FRMD4B: variants seen among roughly 807,000 people sequenced by gnomAD.
FRMD4B encodes the protein FERM domain containing 4B, also known as FERM domain-containing protein 4B.
FRMD4B carries 74 observed loss-of-function variants against 141.5 expected under a neutral mutation model. The observed-to-expected ratio is 0.52, with a 90% confidence interval of 0.43 to 0.63. The LOEUF (loss-of-function observed/expected upper bound fraction) is 0.63. FRMD4B is among the 30% of genes least tolerant of loss of function. The pLI, the probability that FRMD4B is intolerant of heterozygous loss-of-function variation, is 0.00. For missense variants in FRMD4B, 1,366 were observed against 1,253.4 expected, an observed-to-expected ratio of 1.09 and a Z score of -1.36; for synonymous variants, 506 against 467.9, an observed-to-expected ratio of 1.08 and a Z score of -1.05.
chr3:69,426,573 G>C (rs1458239759), intron 2 of FRMD4B, among the ~76,000 whole-genome samples: 4 of 152,176 alleles, frequency 2.6e-5, no homozygotes. Context: ...TGTCCTGGCA[G>C]AGGAAAGGAG....
intron 1 of FRMD4B, among the ~76,000 whole-genome samples, chr3:69,343,570 G>GTTT (rs764348717): frequency 2.5e-4 from 21 of 84,198 alleles, no homozygotes; most frequent in African/African-American, 8.8e-4. Flanking sequence ...TGTCTTAACA[G>GTTT]TTTTTTGTTT....
chr3:69,302,478 G>A (rs1408502867), intron 3 of FRMD4B, 43 bp from the exon 4 acceptor site: 1 of 1,225,920 alleles, frequency 8.2e-7, no homozygotes, highest in East Asian at 2.4e-5. Context: ...CAGAAAGTCA[G>A]AAAAGTTCAA....
chr3:69,304,975 T>C (rs1233107742), intron 3 of FRMD4B, among the ~76,000 whole-genome samples: 3 of 152,168 alleles, frequency 2.0e-5, no homozygotes, highest in African/African-American at 7.2e-5. Context: ...ATATGAGTAG[T>C]AGTAATAATA....
At chr3:69,183,818 C>T (rs1485711967) in intron 19 of FRMD4B, among the ~76,000 whole-genome samples, 1 of 151,608 alleles carries the variant, frequency 6.6e-6, no homozygotes, top group Non-Finnish European at 1.5e-5. Context: ...TAATTTTGAT[C>T]AAATTTTACT....
chr3:69,315,998 C>T (rs1188102777), intron 1 of FRMD4B, among the ~76,000 whole-genome samples: 1 of 152,226 alleles, frequency 6.6e-6, no homozygotes, highest in East Asian at 1.9e-4. Context: ...CAGTTACCTT[C>T]TGGGATTAGT....
intron 5 of FRMD4B, 24 bp from the exon 6 acceptor site, chr3:69,250,123 C>T: frequency 6.5e-7 from 1 of 1,537,382 alleles, no homozygotes; most frequent in Non-Finnish European, 9.0e-7. Context: ...AGGAAAGCAT[C>T]ATTGAACATG....
At chr3:69,264,470 A>G (rs1447055925) in intron 5 of FRMD4B, among the ~76,000 whole-genome samples, 2 of 152,172 alleles carry the variant, frequency 1.3e-5, no homozygotes, top group Non-Finnish European at 2.9e-5. Context: ...GTGATTCACT[A>G]TAGATTTGAT....
intron 1 of FRMD4B, among the ~76,000 whole-genome samples, chr3:69,524,984 G>A (rs1428786267): frequency 6.6e-6 from 1 of 152,224 alleles, no homozygotes; most frequent in African/African-American, 2.4e-5. Context: ...TGGTTCAGAG[G>A]AAGAGCTGGG....
chr3:69,257,685 A>C (rs2093501063), intron 5 of FRMD4B, among the ~76,000 whole-genome samples: 1 of 151,796 alleles, frequency 6.6e-6, no homozygotes, highest in Non-Finnish European at 1.5e-5. Context: ...TTCTTGAGAC[A>C]GAGTCTCTCT....
chr3:69,352,205 C>T (rs1384751159), intron 1 of FRMD4B, among the ~76,000 whole-genome samples: 1 of 152,170 alleles, frequency 6.6e-6, no homozygotes, highest in Non-Finnish European at 1.5e-5. Context: ...CCTGAATCTT[C>T]AGAACAGGAT....
rs140278185 is a variant in FRMD4B at position 69,444,988 on chromosome 3, T to C, written c.-128-12227A>G. Among the ~76,000 whole-genome samples the C allele has an allele frequency of 1.6e-3, 250 of 152,294 alleles. 2 individuals are homozygous for C. Among genetic ancestry groups the C allele is most frequent in the Middle Eastern group, 3.4e-3 (1 of 292 alleles). On this transcript the variant is annotated intron_variant, in intron 1 of 5. Coordinates refer to the FRMD4B transcript ENST00000459638. The stretch of plus-strand genomic sequence containing the variant: ...TTTTTTAGACTCCTGGGCTCCAAAA[T>C]TTCTGACAAAGTAATTCCTATGCCA...
intron 1 of FRMD4B, among the ~76,000 whole-genome samples, chr3:69,527,056 T>C (rs1026196538): frequency 2.6e-5 from 4 of 152,160 alleles, no homozygotes; most frequent in Admixed American, 6.5e-5. Context: ...CACATTCTGG[T>C]GCCATTCACA....
At chr3:69,424,873 A>T (rs1362687246) in intron 2 of FRMD4B, among the ~76,000 whole-genome samples, 2 of 152,220 alleles carry the variant, frequency 1.3e-5, no homozygotes, top group African/African-American at 4.8e-5. Flanking sequence ...ATTCTAAATA[A>T]CAAGTTATAT....
intron 1 of FRMD4B, among the ~76,000 whole-genome samples, chr3:69,530,408 A>C (rs1339844285): frequency 6.6e-6 from 1 of 151,720 alleles, no homozygotes; most frequent in African/African-American, 2.4e-5. Context: ...CCCAACCCTC[A>C]CCTCTTCCCT....
At chr3:69,277,450 T>C (rs943956657) in intron 5 of FRMD4B, among the ~76,000 whole-genome samples, 1 of 151,736 alleles carries the variant, frequency 6.6e-6, no homozygotes, top group Non-Finnish European at 1.5e-5. Context: ...TATGGTCATC[T>C]TTTTTGGCTT....
At chr3:69,451,165 G>A (rs1036703539) in intron 1 of FRMD4B, among the ~76,000 whole-genome samples, 1 of 152,208 alleles carries the variant, frequency 6.6e-6, no homozygotes, top group Non-Finnish European at 1.5e-5. Flanking sequence ...AGAGGATGAT[G>A]TGTGATTTTA....
Position 69,386,060 on chromosome 3 carries a change from C to A in FRMD4B, c.-71G>T. 1 of 1,315,754 alleles carries A rather than the reference C, an allele frequency of 7.6e-7. No individual in the cohort carries two copies. Among genetic ancestry groups the A allele is most frequent in the Non-Finnish European group, 9.9e-7 (1 of 1,006,224 alleles). The allele number at this position is 1,315,754 out of a possible 1,614,324, so 81.5% of individuals were successfully genotyped here. A position where few individuals can be genotyped will look rare whatever the true frequency, so the allele number is the denominator to read the frequency against. ...GCAGCCCCGACCCCAGCGGCCTGCC[C>A]GCCTGGGCTCCCGACGCCGGCTTCT... On this transcript the variant is annotated 5_prime_UTR_variant, in exon 1 of 23. Coordinates refer to ENST00000398540, the MANE Select transcript of FRMD4B (RefSeq NM_015123.3).
At chr3:69,184,669 G>A in intron 19 of FRMD4B, among the ~76,000 whole-genome samples, 1 of 152,212 alleles carries the variant, frequency 6.6e-6, no homozygotes, top group Admixed American at 6.5e-5. Context: ...ATGATTCCCA[G>A]CTATAATTCT....
intron 1 of FRMD4B, among the ~76,000 whole-genome samples, chr3:69,332,356 A>G (rs1002368754): frequency 6.6e-6 from 1 of 152,150 alleles, no homozygotes; most frequent in Non-Finnish European, 1.5e-5. Context: ...AGGAGTCTCA[A>G]TGTGCCAGAA....
Sources: gnomAD v4.1 joint callset for allele counts (sites outside exome capture counted in the v4.1 genomes callset) on GRCh38, gnomAD v4.1.1 for gene constraint, MANE v1.5 for transcripts, NCBI Gene and HGNC (gene_info 2026-07-23, HGNC 2026-07-21) for gene names.